Variants in OXCT1 observed in about 807,000 individuals in gnomAD.
OXCT1 encodes 3-oxoacid CoA-transferase 1.
OXCT1 carries 27 observed loss-of-function variants against 69.6 expected under a neutral mutation model. That is an observed-to-expected ratio of 0.39 (90% CI 0.29 to 0.54). The LOEUF is 0.54. OXCT1 is among the 20% of genes least tolerant of loss of function. The pLI is 0.72. For synonymous variants in OXCT1, 202 were observed against 217.8 expected, an observed-to-expected ratio of 0.93 and a Z score of 0.64; for missense variants, 437 against 650.2, an observed-to-expected ratio of 0.67 and a Z score of 3.57.
intron 1 of OXCT1, among the ~76,000 whole-genome samples, chr5:41,867,793 G>A (rs1176614757): frequency 1.3e-5 from 2 of 152,228 alleles, no homozygotes; most frequent in African/African-American, 4.8e-5. Flanking sequence ...GGTCAAGGAT[G>A]AATGGTGGGT....
chr5:41,766,568 C>CA (rs35725846), intron 13 of OXCT1, among the ~76,000 whole-genome samples: 26,997 of 119,766 alleles, frequency 0.23, 2,771 homozygotes, highest in Middle Eastern at 0.34. Flanking sequence ...CATTGTACTC[C>CA]AAAAAAAAAA....
At chr5:41,813,699 T>G (rs1221119158) in intron 7 of OXCT1, among the ~76,000 whole-genome samples, 1 of 151,502 alleles carries the variant, frequency 6.6e-6, no homozygotes, top group Non-Finnish European at 1.5e-5. Context: ...CTAAAAGAGG[T>G]GACAAAAACC....
chr5:41,756,776 C>A (rs931996787), intron 14 of OXCT1, among the ~76,000 whole-genome samples: 3 of 152,184 alleles, frequency 2.0e-5, no homozygotes, highest in Admixed American at 6.5e-5. Context: ...AAGAAAGCTT[C>A]TCTGGTATTT....
At chr5:41,825,051 C>T (rs1290673418) in intron 7 of OXCT1, among the ~76,000 whole-genome samples, 1 of 152,186 alleles carries the variant, frequency 6.6e-6, no homozygotes, top group East Asian at 1.9e-4. Flanking sequence ...AGATCCTTTT[C>T]ACAGAAGGCA....
chr5:41,806,107 T>A (rs1399776343), intron 8 of OXCT1, among the ~76,000 whole-genome samples: 1 of 152,082 alleles, frequency 6.6e-6, no homozygotes, highest in East Asian at 1.9e-4. Flanking sequence ...TGTTTCCACC[T>A]GCAAAGTCCA....
intron 7 of OXCT1, among the ~76,000 whole-genome samples, chr5:41,835,891 T>C (rs1561116073): frequency 6.6e-6 from 1 of 152,020 alleles, no homozygotes; most frequent in African/African-American, 2.4e-5. Context: ...ATCAACAGTC[T>C]CCTGAGTGAA....
At chr5:41,813,927 T>G (rs2112304302) in intron 7 of OXCT1, among the ~76,000 whole-genome samples, 1 of 152,258 alleles carries the variant, frequency 6.6e-6, no homozygotes, top group Non-Finnish European at 1.5e-5. Context: ...CTTTCTTTTA[T>G]ATGTACTATT....
intron 5 of OXCT1, among the ~76,000 whole-genome samples, chr5:41,843,816 T>C (rs540788156): frequency 6.6e-6 from 1 of 152,342 alleles, no homozygotes; most frequent in East Asian, 1.9e-4. Flanking sequence ...AAATAAAGGC[T>C]ACTTTAAAGA....
intron 1 of OXCT1, among the ~76,000 whole-genome samples, chr5:41,868,125 C>G (rs1001615512): frequency 6.6e-6 from 1 of 152,168 alleles, no homozygotes; most frequent in South Asian, 2.1e-4. Flanking sequence ...CTCAGGTCTG[C>G]GAGACACTGG....
intron 7 of OXCT1, among the ~76,000 whole-genome samples, chr5:41,819,151 T>C (rs1371819645): frequency 6.6e-6 from 1 of 152,010 alleles, no homozygotes; most frequent in Non-Finnish European, 1.5e-5. Context: ...ATGAAATAAA[T>C]CGATAAGTAG....
intron 13 of OXCT1, among the ~76,000 whole-genome samples, chr5:41,785,889 C>T (rs1480499148): frequency 6.6e-6 from 1 of 152,188 alleles, no homozygotes; most frequent in Non-Finnish European, 1.5e-5. Flanking sequence ...ACTCCATTGA[C>T]AAATCAGAGC....
At chr5:41,793,879 G>T (rs1746048623) in intron 13 of OXCT1, 124 bp downstream of exon 13, 2 of 686,976 alleles carry the variant, frequency 2.9e-6, no homozygotes, top group African/African-American at 3.6e-5. Flanking sequence ...TTTGATTCTA[G>T]TAAGAAATAT....
At chr5:41,791,426 T>C (rs1473001412) in intron 13 of OXCT1, among the ~76,000 whole-genome samples, 3 of 152,208 alleles carry the variant, frequency 2.0e-5, no homozygotes, top group African/African-American at 4.8e-5. Context: ...GAGAAAAGTA[T>C]AAAGTAATAA....
intron 1 of OXCT1, 45 bp from the exon 2 acceptor site, chr5:41,862,795 GCTTTA>G (rs1171290086): frequency 5.3e-6 from 6 of 1,141,660 alleles, no homozygotes; most frequent in East Asian, 2.4e-5. Context: ...TGGAGATACA[GCTTTA>G]CTTTGTGTGT....
intron 8 of OXCT1, 50 bp downstream of exon 8, chr5:41,807,281 A>T: frequency 1.0e-6 from 1 of 991,970 alleles, no homozygotes; most frequent in Non-Finnish European, 1.6e-6. Context: ...GGGATGCACT[A>T]TCTCTGTAAC....
chr5:41,844,808 A>G (rs1748813845), intron 5 of OXCT1, among the ~76,000 whole-genome samples: 1 of 151,928 alleles, frequency 6.6e-6, no homozygotes, highest in Non-Finnish European at 1.5e-5. Flanking sequence ...TCTACCATGA[A>G]CATAACACCA....
intron 15 of OXCT1, among the ~76,000 whole-genome samples, chr5:41,747,171 AC>A (rs1743535038): frequency 6.6e-6 from 1 of 152,064 alleles, no homozygotes; most frequent in Middle Eastern, 3.2e-3. Flanking sequence ...CAAGACATCT[AC>A]ATCCCTCCAT....
intron 15 of OXCT1, among the ~76,000 whole-genome samples, chr5:41,741,479 T>C (rs1466687375): frequency 2.0e-5 from 3 of 152,286 alleles, no homozygotes; most frequent in African/African-American, 7.2e-5. Context: ...AAGATTGTGA[T>C]ACAGGACAAA....
intron 9 of OXCT1, 114 bp downstream of exon 9, chr5:41,805,453 T>G (rs1237799184): frequency 5.4e-6 from 4 of 739,732 alleles, no homozygotes; most frequent in Admixed American, 4.6e-5. Flanking sequence ...ATTAATTACC[T>G]TAAAAGTTAC....
Sources: allele counts gnomAD v4.1 joint callset (sites outside exome capture counted in the v4.1 genomes callset), GRCh38; gene constraint gnomAD v4.1.1; transcripts MANE v1.5; gene names NCBI Gene and HGNC (gene_info 2026-07-23, HGNC 2026-07-21).